The following PVT1 variants were observed in gnomAD, a reference collection of about 807,000 sequenced individuals.
The protein encoded by PVT1 is CXCR4/PVT1 fusion.
intron 3 of PVT1, among the ~76,000 whole-genome samples, chr8:127,904,543 C>T (rs1275822762): frequency 6.6e-6 from 1 of 152,182 alleles, no homozygotes; most frequent in Non-Finnish European, 1.5e-5. Context: ...CTCGTTATAC[C>T]TGCAGAACAT....
chr8:128,042,074 C>T (rs1813552278), intron 4 of PVT1, among the ~76,000 whole-genome samples: 1 of 152,126 alleles, frequency 6.6e-6, no homozygotes, highest in African/African-American at 2.4e-5. Flanking sequence ...TGAGTAATCC[C>T]GTTTATTAAA....
intron 4 of PVT1, among the ~76,000 whole-genome samples, chr8:127,997,381 A>G (rs533383049): frequency 6.6e-6 from 1 of 152,178 alleles, no homozygotes; most frequent in South Asian, 2.1e-4. Context: ...AGTGTAATTG[A>G]AAGCAGGGGC....
chr8:127,974,057 G>C (rs1218955068), intron 3 of PVT1, among the ~76,000 whole-genome samples: 1 of 152,050 alleles, frequency 6.6e-6, no homozygotes, highest in East Asian at 1.9e-4. Flanking sequence ...TTATATTTTC[G>C]AAGGGTGGGC....
intron 2 of PVT1, among the ~76,000 whole-genome samples, chr8:127,876,032 C>A (rs375025721): frequency 3.9e-5 from 6 of 152,242 alleles, no homozygotes; most frequent in Non-Finnish European, 8.8e-5. Flanking sequence ...CCCTCCACCC[C>A]CCCTCACCCT....
chr8:128,016,029 G>T (rs186594124), intron 4 of PVT1, among the ~76,000 whole-genome samples: 1 of 152,244 alleles, frequency 6.6e-6, no homozygotes, highest in East Asian at 1.9e-4. Context: ...GAAGGGGGAT[G>T]GTCTTTGGGA....
chr8:128,021,450 T>C (rs956260202), intron 4 of PVT1, among the ~76,000 whole-genome samples: 3 of 152,054 alleles, frequency 2.0e-5, no homozygotes, highest in African/African-American at 2.4e-5. Context: ...CCCGCCACCA[T>C]GCCCGGTTAA....
chr8:128,070,567 G>A (rs565969332), intron 5 of PVT1, among the ~76,000 whole-genome samples: 11 of 152,190 alleles, frequency 7.2e-5, no homozygotes, highest in Non-Finnish European at 1.6e-4. Flanking sequence ...GCATCCCTGT[G>A]ATGGCCCTTT....
intron 4 of PVT1, among the ~76,000 whole-genome samples, chr8:128,045,607 AC>A: frequency 6.6e-6 from 1 of 152,268 alleles, no homozygotes; most frequent in Middle Eastern, 3.4e-3. Context: ...GGTATTTTCT[AC>A]CCTTACCTGC....
chr8:128,075,247 A>G (rs1814070292), intron 5 of PVT1, among the ~76,000 whole-genome samples: 1 of 151,840 alleles, frequency 6.6e-6, no homozygotes, highest in Non-Finnish European at 1.5e-5. Flanking sequence ...CTCTGCTCTG[A>G]TTTCTTCATT....
chr8:127,841,336 C>CCATCTTGGCTCACTGCAACCTTCACCT (rs1353173690), intron 2 of PVT1, among the ~76,000 whole-genome samples: 1 of 152,114 alleles, frequency 6.6e-6, no homozygotes, highest in Non-Finnish European at 1.5e-5. Flanking sequence ...TGCAGTAGTG[C>CCATCTTGGCTCACTGCAACCTTCACCT]CATCTTGGCT....
intron 3 of PVT1, among the ~76,000 whole-genome samples, chr8:127,963,575 C>A (rs188499861): frequency 2.6e-5 from 4 of 152,120 alleles, no homozygotes; most frequent in African/African-American, 7.2e-5. Flanking sequence ...CCCCCCACCC[C>A]CCTCCACCCT....
At chr8:128,033,111 C>T (rs761669216) in intron 4 of PVT1, among the ~76,000 whole-genome samples, 1 of 152,174 alleles carries the variant, frequency 6.6e-6, no homozygotes, top group Admixed American at 6.5e-5. Context: ...GCTTTGCTGT[C>T]GTCCTTACTT....
At chr8:128,009,033 C>A (rs563264501) in intron 4 of PVT1, 28 of 428,556 alleles carry the variant, frequency 6.5e-5, no homozygotes, top group African/African-American at 5.6e-4. Context: ...AACATTAATA[C>A]CTATCACTGT....
intron 3 of PVT1, among the ~76,000 whole-genome samples, chr8:127,929,952 C>T (rs1816183406): frequency 6.6e-6 from 1 of 152,166 alleles, no homozygotes; most frequent in Admixed American, 6.5e-5. Context: ...CCTGATCTTC[C>T]TATAGAACAT....
At position 127,936,034 on chromosome 8, in the gene PVT1, CTTTTTTT is replaced by C. The variant is rs937905808; in HGVS notation, n.782+45054_782+45060del. On this transcript the variant is annotated intron_variant and non_coding_transcript_variant, in intron 3 of 10. Transcript: ENST00000651587. Reference sequence around the variant, plus strand: ...CAAACAGTGTCTTCTCTCTCTCTCTCTTTTTTTTTTTTTTTTTTTTTTTTACTTTTTT... The same window carrying C: ...CAAACAGTGTCTTCTCTCTCTCTCTCTTTTTTTTTTTTTTTTTACTTTTTT... Among the ~76,000 whole-genome samples, 220 of 101,252 alleles carry C rather than the reference CTTTTTTT, an allele frequency of 2.2e-3. 1 individual carries two copies. Among genetic ancestry groups the C allele is most frequent in the Middle Eastern group, 6.0e-3 (1 of 168 alleles). The allele number at this position is 101,252 out of a possible 152,430, so 66.4% of individuals were successfully genotyped here.
At chr8:127,989,391 G>A (rs1037457171) in intron 4 of PVT1, 1 of 152,042 alleles carries the variant, frequency 6.6e-6, no homozygotes, top group Admixed American at 6.5e-5. Flanking sequence ...TTGACCTCTC[G>A]GTGTGTCTTC....
At chr8:127,902,934 T>A (rs1815776842) in intron 3 of PVT1, among the ~76,000 whole-genome samples, 1 of 152,196 alleles carries the variant, frequency 6.6e-6, no homozygotes, top group Admixed American at 6.5e-5. Flanking sequence ...CAATTTATTT[T>A]CCTTTGAGTA....
At chr8:127,826,994 CTT>C (rs5894901) in intron 2 of PVT1, among the ~76,000 whole-genome samples, 2 of 113,952 alleles carry the variant, frequency 1.8e-5, no homozygotes, top group Non-Finnish European at 3.4e-5. Context: ...TTCTTTTTCT[CTT>C]TTTTTTTTTT....
chr8:127,950,428 A>C (rs1816492211), intron 3 of PVT1, among the ~76,000 whole-genome samples: 1 of 152,182 alleles, frequency 6.6e-6, no homozygotes, highest in African/African-American at 2.4e-5. Flanking sequence ...CCAGTTTCCC[A>C]GGTGAGGCTG....
Sources: gnomAD v4.1 joint callset for allele counts (sites outside exome capture counted in the v4.1 genomes callset) on GRCh38, gnomAD v4.1.1 for gene constraint, MANE v1.5 for transcripts, NCBI Gene and HGNC (gene_info 2026-07-23, HGNC 2026-07-21) for gene names.